ABLIM2: variants seen among roughly 807,000 people sequenced by gnomAD.
ABLIM2 encodes the protein actin binding LIM protein family member 2.
ABLIM2 carries 53 observed loss-of-function variants against 97.7 expected under a neutral mutation model. The observed-to-expected ratio is 0.54, with a 90% confidence interval of 0.44 to 0.68. The LOEUF (loss-of-function observed/expected upper bound fraction) is 0.68. Ranked by LOEUF, ABLIM2 falls within the 30% of genes least tolerant of loss-of-function variation. The pLI is 0.00. For missense variants in ABLIM2, 835 were observed against 867.2 expected, an observed-to-expected ratio of 0.96 and a Z score of 0.47; for synonymous variants, 361 against 345.8, an observed-to-expected ratio of 1.04 and a Z score of -0.49.
intron 10 of ABLIM2, among the ~76,000 whole-genome samples, chr4:8,030,073 C>T (rs1251754519): frequency 6.6e-6 from 1 of 152,140 alleles, no homozygotes; most frequent in Non-Finnish European, 1.5e-5. Context: ...GCTCCAGCTT[C>T]ATCCTCCAGG....
At chr4:8,138,894 G>T (rs1035541407) in intron 1 of ABLIM2, among the ~76,000 whole-genome samples, 1 of 152,222 alleles carries the variant, frequency 6.6e-6, no homozygotes, top group South Asian at 2.1e-4. Context: ...CTTCTGCACA[G>T]CAAAAGAAAC....
In ABLIM2 at chr4:7,992,397, G is replaced by A. The variant is rs939538503; in HGVS notation, c.1680+469C>T. On this transcript the variant is annotated intron_variant, in intron 17 of 20. Transcript: ENST00000447017. The surrounding 1 kb of genome is among the most constrained non-coding windows in gnomAD (Gnocchi z 5.7). ...GCAGCCTCAAGTAACAGCCTTGGAC[G>A]CTAAGGATTATTTGGTGTCATCACG... 6.6e-6 allele frequency among the ~76,000 whole-genome samples: 1 copy of A among 152,148 alleles called. No homozygotes were observed. The highest frequency in any genetic ancestry group is 1.5e-5 in the Non-Finnish European group (1 of 68,010).
At chr4:8,016,849 T>C (rs1769694729) in intron 14 of ABLIM2, among the ~76,000 whole-genome samples, 1 of 152,204 alleles carries the variant, frequency 6.6e-6, no homozygotes, top group South Asian at 2.1e-4. Flanking sequence ...ATGAACTCTG[T>C]TTCTAGGCAG....
chr4:8,090,002 G>A (rs1477588786), intron 3 of ABLIM2, among the ~76,000 whole-genome samples: 2 of 152,216 alleles, frequency 1.3e-5, no homozygotes, highest in Non-Finnish European at 2.9e-5. Flanking sequence ...GCACCCACCT[G>A]TGGGGCTGGC....
At chr4:7,990,204 T>C (rs1747599647) in intron 17 of ABLIM2, among the ~76,000 whole-genome samples, 1 of 152,084 alleles carries the variant, frequency 6.6e-6, no homozygotes, top group South Asian at 2.1e-4. Flanking sequence ...TCTTATGTAA[T>C]ATATATATTT....
rs1055536712 is a variant in ABLIM2, at chr4:8,120,681, C to T, written c.11-14044G>A. On this transcript the variant is annotated intron_variant, in intron 1 of 20. Transcript: ENST00000447017. The surrounding 1 kb of genome is among the most constrained non-coding windows in gnomAD (Gnocchi z 5.6). ...CTGTCGTGGGAGCATGGGAAACCAGCAGGAGCACTTCTCAGCTTACAGTGC... is the reference window on the plus strand; with the variant it reads ...CTGTCGTGGGAGCATGGGAAACCAGTAGGAGCACTTCTCAGCTTACAGTGC... 1.3e-5 allele frequency among the ~76,000 whole-genome samples: 2 copies of T among 152,170 alleles called. No individual in the cohort carries two copies. The highest frequency in any genetic ancestry group is 4.8e-5 in the African/African-American group (2 of 41,446).
intron 16 of ABLIM2, among the ~76,000 whole-genome samples, chr4:7,995,271 G>A (rs1034225374): frequency 2.6e-5 from 4 of 152,236 alleles, no homozygotes; most frequent in African/African-American, 9.6e-5. Flanking sequence ...CTCATCTGGG[G>A]GTGTCACCCC....
At position 8,138,698 on chromosome 4, in the gene ABLIM2, TACAAAAATTA is replaced by T. The variant is rs527783237; in HGVS notation, c.10+19972_10+19981del. 3.1e-3 allele frequency among the ~76,000 whole-genome samples: 476 copies of T among 152,274 alleles called. 1 individual carries two copies. The highest frequency in any genetic ancestry group is 0.011 in the African/African-American group (467 of 41,542). ...AACTGGACCCCTTCCTTATACCTTA[TACAAAAATTA>T]ACTCAAGATGGATTAAAGACTTAAA... On this transcript the variant is annotated intron_variant, in intron 1 of 20. Coordinates refer to ENST00000447017, the MANE Select transcript of ABLIM2 (RefSeq NM_001130083.2).
In ABLIM2 at chr4:8,044,964, A is replaced by G. The variant is rs1791355780; in HGVS notation, c.900+200T>C. The stretch of plus-strand genomic sequence containing the variant: ...GTTCCCAGGGGAATTGCCGGGTCAA[A>G]CAAACATGTCTGTGTTTCAGACTCA... On this transcript the variant is annotated intron_variant, in intron 9 of 20. Coordinates refer to ENST00000447017, the MANE Select transcript of ABLIM2 (RefSeq NM_001130083.2). This position sits in a 1 kb window ranked among gnomAD's most constrained non-coding sequence, Gnocchi z 4.4. 6.6e-6 allele frequency among the ~76,000 whole-genome samples: 1 copy of G among 152,166 alleles called. No individual in the cohort carries two copies. Among genetic ancestry groups the G allele is most frequent in the South Asian group, 2.1e-4 (1 of 4,824 alleles).
chr4:7,967,640 C>T (rs1250990400), intron 20 of ABLIM2, among the ~76,000 whole-genome samples: 2 of 152,184 alleles, frequency 1.3e-5, no homozygotes, highest in African/African-American at 2.4e-5. Flanking sequence ...GGTGTGTAAG[C>T]GTGAGAGAGC....
intron 6 of ABLIM2, among the ~76,000 whole-genome samples, chr4:8,063,025 A>G (rs1804419089): frequency 6.6e-6 from 1 of 152,236 alleles, no homozygotes; most frequent in Non-Finnish European, 1.5e-5. Flanking sequence ...CAGCATGTCT[A>G]CATGGCACGT....
chr4:8,126,154 G>A (rs1847802848), intron 1 of ABLIM2, among the ~76,000 whole-genome samples: 2 of 152,164 alleles, frequency 1.3e-5, no homozygotes, highest in African/African-American at 4.8e-5. Flanking sequence ...CAGAGTGTGA[G>A]GCGCTGAGGG....
In ABLIM2 at chr4:8,095,867, T is replaced by A. The variant is rs986788605; in HGVS notation, c.338+1232A>T. On this transcript the variant is annotated intron_variant, in intron 3 of 20. Coordinates refer to ENST00000447017, the MANE Select transcript of ABLIM2 (RefSeq NM_001130083.2). The surrounding 1 kb of genome is among the most constrained non-coding windows in gnomAD (Gnocchi z 4.7). Reference sequence around the variant, plus strand: ...AGATGTTTCCCAAATCCAGGAATTGTTTCGCTTGCAGCAACCTGGTCATTC... The same window carrying A: ...AGATGTTTCCCAAATCCAGGAATTGATTCGCTTGCAGCAACCTGGTCATTC... Among the ~76,000 whole-genome samples, 2 of 152,202 alleles carry A rather than the reference T, an allele frequency of 1.3e-5. No individual in the cohort carries two copies. Among genetic ancestry groups the A allele is most frequent in the African/African-American group, 4.8e-5 (2 of 41,454 alleles).
At chr4:8,111,787 G>A (rs1301843065) in intron 1 of ABLIM2, among the ~76,000 whole-genome samples, 1 of 152,024 alleles carries the variant, frequency 6.6e-6, no homozygotes, top group Non-Finnish European at 1.5e-5. Flanking sequence ...TTAGCCGGGT[G>A]TGGTGGTACA....
At chr4:8,091,143 G>C (rs907380413) in intron 3 of ABLIM2, among the ~76,000 whole-genome samples, 8 of 149,396 alleles carry the variant, frequency 5.4e-5, no homozygotes, top group Non-Finnish European at 1.2e-4. Context: ...ACTTGCCATG[G>C]TCCATCTTTT....
intron 10 of ABLIM2, among the ~76,000 whole-genome samples, chr4:8,035,748 C>A (rs1424608770): frequency 2.0e-5 from 3 of 152,222 alleles, no homozygotes; most frequent in Non-Finnish European, 4.4e-5. Flanking sequence ...GGGGCAGAGC[C>A]ATGGCAGCGA....
In ABLIM2 at chr4:8,127,806, G is replaced by T; in HGVS notation, c.11-21169C>A. On this transcript the variant is annotated intron_variant, in intron 1 of 20. Coordinates refer to ENST00000447017, the MANE Select transcript of ABLIM2 (RefSeq NM_001130083.2). The surrounding 1 kb of genome is among the most constrained non-coding windows in gnomAD (Gnocchi z 7.3). ...CACACTATGCGCCAGAGACACACCT[G>T]TCTCCCAGGCATCCGGGAAAGGGGC... 2.5e-6 allele frequency: 2 copies of T among 792,882 alleles called. No individual in the cohort carries two copies. Among genetic ancestry groups the T allele is most frequent in the Non-Finnish European group, 3.1e-6 (2 of 654,660 alleles). 49.1% of individuals were successfully genotyped at this position (792,882 alleles called of 1,614,324 possible).
rs1466625184 is a variant in ABLIM2 at position 7,999,715 on chromosome 4, C to T, written c.1619-6788G>A. Among the ~76,000 whole-genome samples, 1 of 152,140 alleles carries T rather than the reference C, an allele frequency of 6.6e-6. No individual in the cohort carries two copies. The highest frequency in any genetic ancestry group is 2.4e-5 in the African/African-American group (1 of 41,424). ...GGCAGGTAGGGGGCCAGGAGCATGG[C>T]GGCAACTGGGTAGTCCTGATGCCAG... On this transcript the variant is annotated intron_variant, in intron 16 of 20. Transcript: ENST00000447017. This position sits in a 1 kb window ranked among gnomAD's most constrained non-coding sequence, Gnocchi z 4.4.
chr4:8,101,722 A>G (rs1256754262), intron 2 of ABLIM2, among the ~76,000 whole-genome samples: 1 of 152,162 alleles, frequency 6.6e-6, no homozygotes, highest in Non-Finnish European at 1.5e-5. Context: ...GAGGGCACAC[A>G]TGGGTGTGGC....
Sources: allele counts gnomAD v4.1 joint callset (sites outside exome capture counted in the v4.1 genomes callset), GRCh38; gene constraint gnomAD v4.1.1; non-coding constraint Gnocchi (gnomAD v3.1); transcripts MANE v1.5; gene names NCBI Gene and HGNC (gene_info 2026-07-23, HGNC 2026-07-21).